Variants in GABRA4 observed in about 807,000 individuals in gnomAD.
GABRA4 encodes gamma-aminobutyric acid receptor subunit alpha-4.
In GABRA4, 12 loss-of-function variants were observed where a neutral mutation model predicts 49.7. That is an observed-to-expected ratio of 0.24 (90% CI 0.15 to 0.39). The LOEUF is 0.39. Among genes scored for constraint, GABRA4 ranks in the 10% least tolerant of loss-of-function variants. The probability of loss-of-function intolerance (pLI) is 1.00; values close to 1 mark genes in which losing one functional copy is unlikely to be tolerated. For synonymous variants in GABRA4, 288 were observed against 240.2 expected, an observed-to-expected ratio of 1.20 and a Z score of -1.84; for missense variants, 506 against 686.0, an observed-to-expected ratio of 0.74 and a Z score of 2.93.
At chr4:46,933,035 A>G (rs570042961) in intron 8 of GABRA4, among the ~76,000 whole-genome samples, 1 of 152,194 alleles carries the variant, frequency 6.6e-6, no homozygotes, top group Non-Finnish European at 1.5e-5. Flanking sequence ...AAATAAAAAG[A>G]ATCAGTCTAA....
intron 5 of GABRA4, among the ~76,000 whole-genome samples, chr4:46,975,741 A>G (rs1393146599): frequency 6.6e-6 from 1 of 151,952 alleles, no homozygotes; most frequent in Non-Finnish European, 1.5e-5. Flanking sequence ...GGGAGTGAAA[A>G]GGACTTCCTC....
chr4:46,942,020 A>T (rs149905106), intron 8 of GABRA4, among the ~76,000 whole-genome samples: 2 of 152,272 alleles, frequency 1.3e-5, no homozygotes, highest in African/African-American at 4.8e-5. Context: ...GCAAACATAT[A>T]TCCAGTAGGA....
chr4:46,964,440 A>G (rs894641380), intron 8 of GABRA4, among the ~76,000 whole-genome samples: 1 of 151,860 alleles, frequency 6.6e-6, no homozygotes, highest in African/African-American at 2.4e-5. Context: ...AACTCAAATA[A>G]TAAATACTTG....
At chr4:46,945,221 A>C (rs533383843) in intron 8 of GABRA4, among the ~76,000 whole-genome samples, 1 of 152,256 alleles carries the variant, frequency 6.6e-6, no homozygotes, top group African/African-American at 2.4e-5. Context: ...ATATTAACTG[A>C]TAACCAGAAT....
chr4:46,941,299 G>T (rs1055596295), intron 8 of GABRA4, among the ~76,000 whole-genome samples: 3 of 151,896 alleles, frequency 2.0e-5, no homozygotes, highest in African/African-American at 7.2e-5. Context: ...AGAACCATAG[G>T]TTCTGAAATC....
intron 8 of GABRA4, among the ~76,000 whole-genome samples, chr4:46,931,218 A>G (rs983565241): frequency 3.3e-5 from 5 of 152,134 alleles, no homozygotes; most frequent in African/African-American, 4.8e-5. Context: ...AAAGCCAGGA[A>G]TAGTGCATGT....
intron 2 of GABRA4, among the ~76,000 whole-genome samples, chr4:46,982,380 G>GACAC (rs143405262): frequency 6.6e-6 from 1 of 150,498 alleles, no homozygotes. Flanking sequence ...TTAGGACACA[G>GACAC]ACACACACAC....
At chr4:46,989,973 A>C (rs1403101710) in intron 2 of GABRA4, among the ~76,000 whole-genome samples, 1 of 152,228 alleles carries the variant, frequency 6.6e-6, no homozygotes, top group African/African-American at 2.4e-5. Flanking sequence ...ACACATTTAC[A>C]ACTTCATATA....
At chr4:46,940,708 C>T (rs1000460314) in intron 8 of GABRA4, among the ~76,000 whole-genome samples, 1 of 152,082 alleles carries the variant, frequency 6.6e-6, no homozygotes, top group African/African-American at 2.4e-5. Context: ...GTAGCACTTA[C>T]ATTGTTAAAC....
intron 1 of GABRA4, 139 bp from the exon 2 acceptor site, chr4:46,993,085 G>A: frequency 1.4e-6 from 1 of 728,914 alleles, no homozygotes. Flanking sequence ...GGGTTGGGAT[G>A]CAGAAGACAG....
At chr4:46,975,587 T>C (rs1170221482) in intron 5 of GABRA4, among the ~76,000 whole-genome samples, 1 of 151,938 alleles carries the variant, frequency 6.6e-6, no homozygotes, top group African/African-American at 2.4e-5. Flanking sequence ...CTGAGTATGG[T>C]GTGCCTCTCT....
At chr4:46,990,367 T>C (rs542314573) in intron 2 of GABRA4, among the ~76,000 whole-genome samples, 2 of 152,330 alleles carry the variant, frequency 1.3e-5, no homozygotes, top group East Asian at 3.9e-4. Context: ...TTTTCACTTA[T>C]GTTATTGTCA....
intron 2 of GABRA4, among the ~76,000 whole-genome samples, chr4:46,987,384 C>T (rs1723579053): frequency 6.6e-6 from 1 of 152,136 alleles, no homozygotes; most frequent in Admixed American, 6.5e-5. Context: ...TTGCAACCCT[C>T]TCCCCTGCTT....
intron 8 of GABRA4, among the ~76,000 whole-genome samples, chr4:46,939,796 A>T (rs1329460410): frequency 2.0e-5 from 3 of 152,014 alleles, no homozygotes; most frequent in Non-Finnish European, 4.4e-5. Flanking sequence ...TCTCATGATT[A>T]GAAAATCCTT....
chr4:46,969,411 G>A (rs1341873754), intron 7 of GABRA4, among the ~76,000 whole-genome samples: 1 of 151,494 alleles, frequency 6.6e-6, no homozygotes, highest in Non-Finnish European at 1.5e-5. Flanking sequence ...AGTTTCAGTA[G>A]ATACTTCTTG....
intron 8 of GABRA4, among the ~76,000 whole-genome samples, chr4:46,952,663 T>C (rs1344996199): frequency 6.6e-6 from 1 of 152,032 alleles, no homozygotes; most frequent in Middle Eastern, 3.2e-3. Flanking sequence ...CTTAGTCAAA[T>C]ACACCAGAAG....
chr4:46,984,152 A>C (rs1006259547), intron 2 of GABRA4, among the ~76,000 whole-genome samples: 1 of 151,886 alleles, frequency 6.6e-6, no homozygotes, highest in Non-Finnish European at 1.5e-5. Flanking sequence ...TCATGAGAAA[A>C]CCTAGGGTGT....
chr4:46,937,624 G>A (rs996221423), intron 8 of GABRA4, among the ~76,000 whole-genome samples: 2 of 152,126 alleles, frequency 1.3e-5, no homozygotes, highest in Admixed American at 6.6e-5. Context: ...CAAGAATTAA[G>A]CATTAATTTC....
At chr4:46,972,980 C>A (rs1723003709) in intron 6 of GABRA4, among the ~76,000 whole-genome samples, 1 of 151,784 alleles carries the variant, frequency 6.6e-6, no homozygotes, top group African/African-American at 2.4e-5. Context: ...CTTTTAAGAA[C>A]ACAAACTCAG....
Sources: gnomAD v4.1 joint callset for allele counts (sites outside exome capture counted in the v4.1 genomes callset) on GRCh38, gnomAD v4.1.1 for gene constraint, MANE v1.5 for transcripts, NCBI Gene and HGNC (gene_info 2026-07-23, HGNC 2026-07-21) for gene names.